The following TMC6 variants were observed in gnomAD, a reference collection of about 807,000 sequenced individuals.
TMC6 encodes transmembrane channel-like protein 6.
Under a neutral mutation model 95.4 loss-of-function variants are expected in TMC6, and 71 were observed. That is an observed-to-expected ratio of 0.74 (90% CI 0.61 to 0.91). The LOEUF (loss-of-function observed/expected upper bound fraction) is 0.91, where lower values mean the gene tolerates loss of function less well. Among genes scored for constraint, TMC6 ranks in the 40% least tolerant of loss-of-function variants. The pLI, the probability that TMC6 is intolerant of heterozygous loss-of-function variation, is 0.00. For missense variants in TMC6, 1,074 were observed against 1,079.1 expected, an observed-to-expected ratio of 1.00 and a Z score of 0.07; for synonymous variants, 514 against 483.1, an observed-to-expected ratio of 1.06 and a Z score of -0.84.
At chr17:78,114,993 G>A (rs1347335644) in intron 18 of TMC6, among the ~76,000 whole-genome samples, 1 of 152,228 alleles carries the variant, frequency 6.6e-6, no homozygotes, top group African/African-American at 2.4e-5. Context: ...GCCCCTGGGG[G>A]CTCTGAAATG....
chr17:78,118,352 A>G (rs898041641), intron 15 of TMC6, among the ~76,000 whole-genome samples: 3 of 152,104 alleles, frequency 2.0e-5, no homozygotes, highest in South Asian at 2.1e-4. Flanking sequence ...TCAGGAGATC[A>G]AGACCATCCT....
intron 6 of TMC6, 84 bp from the exon 7 acceptor site, chr17:78,125,069 A>T: frequency 6.5e-7 from 1 of 1,540,734 alleles, no homozygotes; most frequent in African/African-American, 1.4e-5. Flanking sequence ...CCACGGGCTC[A>T]GCCCCTTCTC....
chr17:78,113,922 C>T lies in TMC6; in HGVS notation c.2278-298G>A, dbSNP rs77272149. On this transcript the variant is annotated intron_variant, in intron 18 of 19. Transcript: ENST00000590602. ...AAACCAGCCCTGCCACGTACTGGCT[C>T]TGCCTTGGGTTACTAACTCTGTGAC... is the stretch of plus-strand genomic sequence containing the variant. The T allele has an allele frequency of 1.4e-3, 614 of 440,716 alleles. 6 individuals carry two copies. In the East Asian group the frequency reaches 0.028, roughly 20 times the overall value. 27.3% of individuals were successfully genotyped at this position (440,716 alleles called of 1,614,324 possible). A position where few individuals can be genotyped will look rare whatever the true frequency, so the allele number is the denominator to read the frequency against.
chr17:78,119,417 T>A, intron 13 of TMC6, 25 bp from the exon 14 acceptor site: 1 of 1,612,612 alleles, frequency 6.2e-7, no homozygotes, highest in Non-Finnish European at 8.5e-7. Flanking sequence ...CCCGGATCGT[T>A]AGATGGGAAA....
chr17:78,117,361 G>A lies in TMC6; in HGVS notation c.2199-14C>T, dbSNP rs372720368. On this transcript the variant is annotated splice_polypyrimidine_tract_variant and intron_variant, in intron 17 of 19. Coordinates refer to ENST00000590602, the MANE Select transcript of TMC6 (RefSeq NM_001127198.5). ...TAGATCACGGCCCTGCGGGAGAGGG[G>A]CTGTCGGGCAGGGCCCAGGGCCACA... 29 of 1,613,006 alleles carry A rather than the reference G, an allele frequency of 1.8e-5. No individual in the cohort carries two copies. Among genetic ancestry groups the A allele is most frequent in the East Asian group, 2.2e-5 (1 of 44,888 alleles).
rs10715213 is a variant in TMC6 at position 78,110,069 on chromosome 17, GAA to G, written c.*3077_*3078del. 4 of 132,754 alleles carry G rather than the reference GAA, an allele frequency of 3.0e-5. No individual in the cohort carries two copies. The highest frequency in any genetic ancestry group is 2.4e-4 in the South Asian group (1 of 4,174). The allele number at this position is 132,754 out of a possible 1,614,324, so 8.2% of individuals were successfully genotyped here. A position where few individuals can be genotyped will look rare whatever the true frequency, so the allele number is the denominator to read the frequency against. ...GAACAAGAGTGAAACTCCATTCCAA[GAA>G]AAAAAAAAAAAATTCACATCCAAAA... On this transcript the variant is annotated 3_prime_UTR_variant, in exon 20 of 20. Coordinates refer to ENST00000590602, the MANE Select transcript of TMC6 (RefSeq NM_001127198.5).
In TMC6 at chr17:78,122,578, C is replaced by G. The variant is rs200401739; in HGVS notation, c.1227+27G>C. On this transcript the variant is annotated intron_variant, in intron 10 of 19. Coordinates refer to ENST00000590602, the MANE Select transcript of TMC6 (RefSeq NM_001127198.5). This position sits in a 1 kb window ranked among gnomAD's most constrained non-coding sequence, Gnocchi z 4.9. ...CCAGGCCTGCAGGGAGCTGGGCAGG[C>G]CAGCTTGGTGCTCCGGGGCCACTCA... is the stretch of plus-strand genomic sequence containing the variant. The G allele has an allele frequency of 1.3e-3, 2,012 of 1,605,620 alleles. 23 individuals are homozygous for G. The African/African-American group carries it at 0.022, about 18-fold the overall frequency.
At chr17:78,125,985 G>C (rs1021994017) in intron 4 of TMC6, 101 bp from the exon 5 acceptor site, 3 of 1,488,252 alleles carry the variant, frequency 2.0e-6, no homozygotes, top group Non-Finnish European at 2.7e-6. Context: ...CCCTTCCCAG[G>C]ACCCAGGAAA....
chr17:78,118,580 C>A (rs1473169352), intron 15 of TMC6, among the ~76,000 whole-genome samples: 1 of 120,972 alleles, frequency 8.3e-6, no homozygotes, highest in Non-Finnish European at 1.7e-5. Flanking sequence ...AATAAAAAGA[C>A]AGGAGCCAGG....
Position 78,121,734 on chromosome 17 carries a change from G to A in TMC6, c.1228-23C>T, listed in dbSNP as rs578145878. On this transcript the variant is annotated intron_variant, in intron 10 of 19. Transcript: ENST00000590602. The surrounding 1 kb of genome is among the most constrained non-coding windows in gnomAD (Gnocchi z 5.6). The stretch of plus-strand genomic sequence containing the variant: ...CTCCTGCAGGCGGCACCGTGTCCCC[G>A]TCACCCACACCAGAGCACGGGCACA... The A allele has an allele frequency of 1.2e-5, 19 of 1,561,460 alleles. No individual in the cohort carries two copies. Among genetic ancestry groups the A allele is most frequent in the Middle Eastern group, 1.7e-4 (1 of 5,988 alleles).
chr17:78,123,764 AGTGGGTGGATGG>A lies in TMC6; in HGVS notation c.1082+213_1082+224del, dbSNP rs369487344. On this transcript the variant is annotated intron_variant, in intron 9 of 19. Coordinates refer to ENST00000590602, the MANE Select transcript of TMC6 (RefSeq NM_001127198.5). Reference sequence around the variant, plus strand: ...AATGGGTAAATGGGTGGGTGAATTGAGTGGGTGGATGGGTGGGTGGATGGATGAATGGGTGGA... The same window carrying A: ...AATGGGTAAATGGGTGGGTGAATTGAGTGGGTGGATGGATGAATGGGTGGA... 2.6e-4 allele frequency among the ~76,000 whole-genome samples: 31 copies of A among 121,368 alleles called. 1 individual carries two copies. The highest frequency in any genetic ancestry group is 1.1e-3 in the Admixed American group (13 of 11,994). The allele number at this position is 121,368 out of a possible 152,430, so 79.6% of individuals were successfully genotyped here. A position where few individuals can be genotyped will look rare whatever the true frequency, so the allele number is the denominator to read the frequency against.
chr17:78,132,334 G>C (rs1421946651), upstream of TMC6: 5 of 1,611,810 alleles, frequency 3.1e-6, no homozygotes, highest in African/African-American at 5.3e-5. Flanking sequence ...CGGCCTCCCT[G>C]ACCCACCCTG....
At chr17:78,113,698 C>T in intron 18 of TMC6, 74 bp from the exon 19 acceptor site, 1 of 1,502,192 alleles carries the variant, frequency 6.7e-7, no homozygotes, top group Non-Finnish European at 9.2e-7. Flanking sequence ...TTCCAAACTG[C>T]ATTTGAGGGA....
chr17:78,131,774 G>T (rs1169034010), upstream of TMC6: 4 of 1,559,700 alleles, frequency 2.6e-6, no homozygotes, highest in East Asian at 2.4e-5. Flanking sequence ...TGCGTGGGGG[G>T]GGTGCTGCGA....
chr17:78,116,674 A>G (rs1388786373), intron 18 of TMC6, among the ~76,000 whole-genome samples: 1 of 152,006 alleles, frequency 6.6e-6, no homozygotes, highest in East Asian at 1.9e-4. Context: ...TTGCCTCAGG[A>G]GCTCGAGACC....
intron 1 of TMC6, 46 bp from the exon 2 acceptor site, chr17:78,126,952 G>T: frequency 8.4e-7 from 1 of 1,197,382 alleles, no homozygotes; most frequent in Non-Finnish European, 1.2e-6. Flanking sequence ...TCAACGCCTG[G>T]CAGCTGTCCA....
Position 78,124,604 on chromosome 17 carries a change from T to A in TMC6, c.811A>T (p.Met271Leu), listed in dbSNP as rs751257903. 4.3e-6 allele frequency: 7 copies of A among 1,612,224 alleles called. No homozygotes were observed. Among genetic ancestry groups the A allele is most frequent in the South Asian group, 3.3e-5 (3 of 91,044 alleles). The change falls in exon 8 of 20, where the codon ATG becomes TTG. Residue 271 changes from methionine to leucine, a missense_variant. By Grantham distance (15) the Met-to-Leu change is conservative. Transcript: ENST00000590602. ...GGTGGGAAGGCGACCTGAGGGCCCA[T>A]GATGAAGGCCACCAGCAGCAGCAGC... ...LLLLLLVAFI[M>L]GPQVAFPPAL... is the part of the protein sequence containing the mutation.
At position 78,113,588 on chromosome 17, in the gene TMC6, G is replaced by A. The variant is rs373911642; in HGVS notation, c.2314C>T (p.His772Tyr). 9.9e-6 allele frequency: 16 copies of A among 1,613,842 alleles called. No individual in the cohort carries two copies. In the African/African-American group the frequency reaches 1.2e-4, roughly 12 times the overall value. ...CTCTCCTTCCTCTCGTAGATGGAGT[G>A]AAGCTTGTTGATTAAGAAGATTTTG... ...EDKIFLINKL[H>Y]SIYERKEREE... The change falls in exon 19 of 20, where the codon CAC (histidine) becomes TAC (tyrosine). Residue 772 changes from histidine (H) to tyrosine (Y), a missense_variant. Transcript: ENST00000590602.
upstream of TMC6, chr17:78,132,344 G>T (rs752174853): frequency 3.1e-6 from 5 of 1,612,300 alleles, no homozygotes; most frequent in Non-Finnish European, 4.2e-6. Flanking sequence ...GACCCACCCT[G>T]CTCTCCCACT....
Sources: allele counts gnomAD v4.1 joint callset (sites outside exome capture counted in the v4.1 genomes callset), GRCh38; gene constraint gnomAD v4.1.1; non-coding constraint Gnocchi (gnomAD v3.1); transcripts MANE v1.5; gene names NCBI Gene and HGNC (gene_info 2026-07-23, HGNC 2026-07-21).